ANKRD26: variants seen among roughly 807,000 people sequenced by gnomAD.
The protein encoded by ANKRD26 is ankyrin repeat domain-containing protein 26.
ANKRD26 carries 141 observed loss-of-function variants against 208.7 expected under a neutral mutation model. The observed-to-expected ratio is 0.68, with a 90% CI of 0.59 to 0.78. The LOEUF (loss-of-function observed/expected upper bound fraction) is 0.78. Among genes scored for constraint, ANKRD26 ranks in the 30% least tolerant of loss-of-function variants. The pLI, the probability that ANKRD26 is intolerant of heterozygous loss-of-function variation, is 0.00. For synonymous variants in ANKRD26, 636 were observed against 660.4 expected, an observed-to-expected ratio of 0.96 and a Z score of 0.57; for missense variants, 1,889 against 1,938.7, an observed-to-expected ratio of 0.97 and a Z score of 0.48.
intron 23 of ANKRD26, among the ~76,000 whole-genome samples, chr10:27,035,983 A>C (rs2054030485): frequency 6.6e-6 from 1 of 152,076 alleles, no homozygotes; most frequent in African/African-American, 2.4e-5. Flanking sequence ...AAAAGAAACC[A>C]CTAGAAAATT....
intron 5 of ANKRD26, 117 bp from the exon 6 acceptor site, chr10:27,082,950 T>TATA: frequency 7.5e-7 from 1 of 1,333,660 alleles, no homozygotes; most frequent in East Asian, 2.6e-5. Context: ...ATCTGGAGAC[T>TATA]ATAATAGAAT....
Position 27,046,455 on chromosome 10 carries a change from G to C in ANKRD26, c.1883C>G (p.Ser628Cys), listed in dbSNP as rs777118496. The C allele has an allele frequency of 1.2e-6, 2 of 1,614,098 alleles. No homozygotes were observed. The highest frequency in any genetic ancestry group is 1.7e-6 in the Non-Finnish European group (2 of 1,180,020). Residue 628 changes from serine (S) to cysteine (C), a missense_variant, in exon 18 of 34, where the codon TCT (serine) becomes TGT (cysteine). Ser to Cys is a moderately radical substitution (Grantham distance 112, BLOSUM62 -1). Around this residue, in one of 3 missense-constraint regions of ANKRD26, gnomAD observed 1,272 missense variants for 1,273.8 expected, o/e 1.00. Transcript: ENST00000376087. ...CTTCCCAAACACTGGTGAATTCACA[G>C]ATTCTTTCGAGGTCCGTTTTTCTTT... ...TEKEKRTSKE[S>C]VNSPVFGKAS...
At chr10:27,099,847 G>A (rs2056589348) in intron 1 of ANKRD26, among the ~76,000 whole-genome samples, 1 of 128,854 alleles carries the variant, frequency 7.8e-6, no homozygotes, top group South Asian at 2.8e-4. Flanking sequence ...CTTTAAAATT[G>A]TCACTTAAGT....
intron 4 of ANKRD26, among the ~76,000 whole-genome samples, chr10:27,087,627 C>T (rs1194351356): frequency 2.0e-5 from 3 of 152,130 alleles, no homozygotes; most frequent in African/African-American, 4.8e-5. Context: ...TATTACTGAA[C>T]TAACTGATCA....
rs2056332987 is a variant in ANKRD26 at position 27,092,514 on chromosome 10, T to G, written c.532-2A>C. The G allele has an allele frequency of 6.2e-7, 1 of 1,608,458 alleles. No individual in the cohort carries two copies. The highest frequency in any genetic ancestry group is 8.5e-7 in the Non-Finnish European group (1 of 1,175,570). ...AAGTAAAAGTGGTGTGAGGTCATCCTGTAAGACAGCAAAAACAAGTTAAAA... is the reference window on the plus strand; with the variant it reads ...AAGTAAAAGTGGTGTGAGGTCATCCGGTAAGACAGCAAAAACAAGTTAAAA... On this transcript the variant is annotated splice_acceptor_variant, in intron 3 of 33. Coordinates refer to ENST00000376087, the MANE Select transcript of ANKRD26 (RefSeq NM_014915.3). LOFTEE classifies it high-confidence loss of function.
rs1412657740 is a variant in ANKRD26 at position 27,035,135 on chromosome 10, CTG to C, written c.3313_3314del (p.Gln1105ValfsTer13). 1 of 1,613,262 alleles carries C rather than the reference CTG, an allele frequency of 6.2e-7. No individual in the cohort carries two copies. The highest frequency in any genetic ancestry group is 1.3e-5 in the African/African-American group (1 of 74,830). ...ERVQKDLSQT[Q>X]CQMKEMEQKY... The stretch of plus-strand genomic sequence containing the variant: ...TTTGTTCCATTTCCTTCATTTGACA[CTG>C]TGTTTGGCTTAGGTCCTTTTGTACC... On this transcript the variant is annotated frameshift_variant, in exon 24 of 34. Coordinates refer to ENST00000376087, the MANE Select transcript of ANKRD26 (RefSeq NM_014915.3). LOFTEE classifies it high-confidence loss of function.
chr10:27,098,952 C>G (rs1209285020), intron 1 of ANKRD26, among the ~76,000 whole-genome samples: 3 of 152,198 alleles, frequency 2.0e-5, no homozygotes, highest in Admixed American at 2.0e-4. Context: ...TATATCCTCA[C>G]ATGCCAATAC....
Position 27,045,423 on chromosome 10 carries a change from T to TA in ANKRD26, c.1985+929dup, listed in dbSNP as rs74940609. ...TGGGCAACGGAACAAGACTCTGACT[T>TA]AAAAAAAAAAAAAAAAAAATCCTTA... On this transcript the variant is annotated intron_variant, in intron 18 of 33. Coordinates refer to ENST00000376087, the MANE Select transcript of ANKRD26 (RefSeq NM_014915.3). Among the ~76,000 whole-genome samples the TA allele has an allele frequency of 1.6e-3, 204 of 127,594 alleles. 1 individual carries two copies. Among genetic ancestry groups the TA allele is most frequent in the East Asian group, 3.5e-3 (16 of 4,522 alleles). The allele number at this position is 127,594 out of a possible 152,430, so 83.7% of individuals were successfully genotyped here. A position where few individuals can be genotyped will look rare whatever the true frequency, so the allele number is the denominator to read the frequency against.
At chr10:27,006,840 T>G (rs946899107) in intron 33 of ANKRD26, 77 bp downstream of exon 33, 1 of 1,127,806 alleles carries the variant, frequency 8.9e-7, no homozygotes, top group African/African-American at 1.5e-5. Flanking sequence ...TGGAAAGGGA[T>G]CCCACTCACG....
chr10:27,098,380 A>C (rs1216545122), intron 1 of ANKRD26, among the ~76,000 whole-genome samples: 2 of 152,092 alleles, frequency 1.3e-5, no homozygotes, highest in East Asian at 3.8e-4. Context: ...AAAGAAAAAA[A>C]AGAAAGTGGG....
chr10:27,012,036 C>T (rs963938685), intron 32 of ANKRD26, among the ~76,000 whole-genome samples: 2 of 152,164 alleles, frequency 1.3e-5, no homozygotes, highest in African/African-American at 4.8e-5. Flanking sequence ...ACAAATTAAT[C>T]AGTGTTAGAG....
intron 4 of ANKRD26, among the ~76,000 whole-genome samples, chr10:26,997,910 A>T (rs555029365): frequency 6.6e-6 from 1 of 152,126 alleles, no homozygotes; most frequent in African/African-American, 2.4e-5. Flanking sequence ...CAGCATCCAT[A>T]CTAGCGTCGG....
intron 4 of ANKRD26, among the ~76,000 whole-genome samples, chr10:26,981,761 A>G (rs1395279072): frequency 6.6e-6 from 1 of 152,136 alleles, no homozygotes; most frequent in Non-Finnish European, 1.5e-5. Context: ...AATTTAACCA[A>G]TTCAAGGAGT....
chr10:27,023,513 G>A (rs1209418330), intron 28 of ANKRD26, among the ~76,000 whole-genome samples: 1 of 151,590 alleles, frequency 6.6e-6, no homozygotes, highest in Non-Finnish European at 1.5e-5. Flanking sequence ...AGACAGGAAA[G>A]AAACATTTTT....
At chr10:27,032,293 A>G (rs1232970503) in intron 25 of ANKRD26, among the ~76,000 whole-genome samples, 1 of 152,052 alleles carries the variant, frequency 6.6e-6, no homozygotes, top group Non-Finnish European at 1.5e-5. Flanking sequence ...GAGGTCAGGA[A>G]TTCGAGACCA....
Position 27,017,795 on chromosome 10 carries a change from G to A in ANKRD26, c.4216-3C>T, listed in dbSNP as rs1321618908. Reference sequence around the variant, plus strand: ...AGTTCTGCTGTAAGATCATCAATCTGAATGAAGACAATAATATAGTGTAAT... The same window carrying A: ...AGTTCTGCTGTAAGATCATCAATCTAAATGAAGACAATAATATAGTGTAAT... On this transcript the variant is annotated splice_polypyrimidine_tract_variant and splice_region_variant and intron_variant, in intron 29 of 33. Transcript: ENST00000376087. The A allele has an allele frequency of 6.2e-7, 1 of 1,611,172 alleles. No individual in the cohort carries two copies. The highest frequency in any genetic ancestry group is 2.2e-5 in the East Asian group (1 of 44,762).
intron 15 of ANKRD26, among the ~76,000 whole-genome samples, chr10:27,058,324 T>C (rs1305203361): frequency 6.6e-6 from 1 of 152,294 alleles, no homozygotes; most frequent in South Asian, 2.1e-4. Flanking sequence ...ATAATATATT[T>C]GACATTTTCA....
chr10:27,054,417 T>C (rs1480672452), intron 15 of ANKRD26, among the ~76,000 whole-genome samples: 1 of 151,992 alleles, frequency 6.6e-6, no homozygotes, highest in Non-Finnish European at 1.5e-5. Flanking sequence ...AAATGCCCTG[T>C]CTACTAAAAA....
chr10:26,954,317 C>G, the ANKRD26 span, among the ~76,000 whole-genome samples: 1 of 152,166 alleles, frequency 6.6e-6, no homozygotes, highest in African/African-American at 2.4e-5. Context: ...TGCTACCTTT[C>G]TCCAGTGATT....
Sources: allele counts gnomAD v4.1 joint callset (sites outside exome capture counted in the v4.1 genomes callset), GRCh38; gene constraint gnomAD v4.1.1; regional missense constraint gnomAD v4.1.1; transcripts MANE v1.5; gene names NCBI Gene and HGNC (gene_info 2026-07-23, HGNC 2026-07-21).